LIAS: variants seen among roughly 807,000 people sequenced by gnomAD.
LIAS encodes lipoyl synthase, mitochondrial.
A neutral mutation model predicts 49.4 loss-of-function variants in LIAS; 36 were observed. The ratio of observed to expected loss-of-function variants is 0.73; its 90% CI spans 0.56 to 0.96. LIAS has a LOEUF of 0.96. LIAS is among the 40% of genes least tolerant of loss of function. LIAS has a pLI of 0.00. For missense variants in LIAS, 399 were observed against 456.3 expected (o/e 0.87, Z 1.14); for synonymous variants, 145 against 155.8 (o/e 0.93, Z 0.52).
chr4:39,471,097 A>T (rs929801757), intron 8 of LIAS, 139 bp from the exon 9 acceptor site: 1 of 618,538 alleles, frequency 1.6e-6, no homozygotes, highest in African/African-American at 1.8e-5. Flanking sequence ...TTGAATGAAT[A>T]GATGTTGTCT....
intron 10 of LIAS, among the ~76,000 whole-genome samples, chr4:39,474,396 C>T (rs964996286): frequency 2.0e-5 from 3 of 151,634 alleles, no homozygotes; most frequent in Admixed American, 2.0e-4. Flanking sequence ...CGTGTCACTA[C>T]AGCTCCAGCC....
chr4:39,463,401 T>A, intron 3 of LIAS, 124 bp from the exon 4 acceptor site: 1 of 1,261,950 alleles, frequency 7.9e-7, no homozygotes, highest in Non-Finnish European at 1.0e-6. Flanking sequence ...CATTTTTGAA[T>A]AGTGAATGTC....
intron 9 of LIAS, among the ~76,000 whole-genome samples, chr4:39,472,057 T>G (rs572582916): frequency 1.3e-5 from 2 of 152,166 alleles, no homozygotes; most frequent in East Asian, 1.9e-4. Context: ...ACACACATTT[T>G]GTATGTTACA....
chr4:39,474,237 T>C (rs1004621251), intron 10 of LIAS, among the ~76,000 whole-genome samples: 1 of 132,714 alleles, frequency 7.5e-6, no homozygotes, highest in Non-Finnish European at 1.5e-5. Flanking sequence ...CACTCCAGCC[T>C]GGGCAACAGA....
rs1560669563 is a variant in LIAS at position 39,467,623 on chromosome 4, AG to A, written c.715del (p.Glu239LysfsTer24). On this transcript the variant is annotated frameshift_variant, in exon 7 of 11. Transcript: ENST00000640888. LOFTEE classifies it high-confidence loss of function. The part of the protein sequence containing the change: ...SGLDVYAHNV[E>X]TVPELQSKVR... ...GATTAGATGTGTATGCACATAATGT[AG>A]AAACAGTCCCGGAATTACAGAGGTG... The A allele has an allele frequency of 1.9e-6, 3 of 1,588,942 alleles. No homozygotes were observed. The highest frequency in any genetic ancestry group is 2.6e-6 in the Non-Finnish European group (3 of 1,166,958).
chr4:39,464,301 G>A (rs2608833), intron 4 of LIAS: 110,207 of 150,594 alleles, frequency 0.73, 40,574 homozygotes, highest in Admixed American at 0.8. Flanking sequence ...ATGCCACTGC[G>A]TCCCAGCCTA....
At chr4:39,473,284 A>G in intron 10 of LIAS, 73 bp downstream of exon 10, 1 of 916,498 alleles carries the variant, frequency 1.1e-6, no homozygotes, top group Non-Finnish European at 1.8e-6. Flanking sequence ...ACCAGTCACT[A>G]AAACTCTTGA....
intron 6 of LIAS, among the ~76,000 whole-genome samples, chr4:39,465,822 C>G (rs899974215): frequency 1.3e-5 from 2 of 151,638 alleles, no homozygotes; most frequent in Non-Finnish European, 2.9e-5. Flanking sequence ...CCAAGCTCAG[C>G]TAATTTTTGT....
At position 39,478,284 on chromosome 4, in the gene LIAS, A is replaced by G. The variant is rs551237250; in HGVS notation, c.*1169A>G. 3 of 152,290 alleles carry G rather than the reference A, an allele frequency of 2.0e-5. No individual in the cohort carries two copies. The South Asian group carries it at 6.2e-4, about 32-fold the overall frequency. The allele number at this position is 152,290 out of a possible 1,614,324, so 9.4% of individuals were successfully genotyped here. A position where few individuals can be genotyped will look rare whatever the true frequency, so the allele number is the denominator to read the frequency against. ...TCTGAGAGGCCGAGGTGGGCAGATC[A>G]CCTGAGGTCGGGAGTTTGAGAACAG... is the stretch of plus-strand genomic sequence containing the variant. On this transcript the variant is annotated 3_prime_UTR_variant, in exon 11 of 11. Transcript: ENST00000640888.
At chr4:39,459,959 CAAAAAA>C (rs3836576) in intron 1 of LIAS, among the ~76,000 whole-genome samples, 1 of 135,084 alleles carries the variant, frequency 7.4e-6, no homozygotes, top group East Asian at 2.2e-4. Flanking sequence ...GACTCCATCT[CAAAAAA>C]AAAAAAAGAA....
chr4:39,470,198 T>C (rs1252692236), intron 8 of LIAS, 34 bp downstream of exon 8: 1 of 1,583,362 alleles, frequency 6.3e-7, no homozygotes, highest in Non-Finnish European at 8.6e-7. Flanking sequence ...ATCTTTCCCA[T>C]GTAATTTGAG....
chr4:39,473,049 G>T, intron 9 of LIAS, 51 bp from the exon 10 acceptor site: 2 of 1,104,102 alleles, frequency 1.8e-6, no homozygotes, highest in South Asian at 2.6e-5. Flanking sequence ...ACTTTCTGCA[G>T]AATCAAAGTG....
intron 6 of LIAS, 146 bp from the exon 7 acceptor site, chr4:39,467,372 A>C: frequency 1.6e-6 from 1 of 644,538 alleles, no homozygotes; most frequent in Non-Finnish European, 2.4e-6. Context: ...TTCATGTATG[A>C]ACATCTGTAT....
At chr4:39,467,481 T>C (rs1192513775) in intron 6 of LIAS, 37 bp from the exon 7 acceptor site, 2 of 1,540,276 alleles carry the variant, frequency 1.3e-6, no homozygotes, top group South Asian at 1.2e-5. Flanking sequence ...ATGTCAGTTC[T>C]TTCTCTCTGT....
At chr4:39,460,722 T>C in intron 1 of LIAS, 68 bp from the exon 2 acceptor site, 5 of 1,358,142 alleles carry the variant, frequency 3.7e-6, no homozygotes, top group Non-Finnish European at 5.0e-6. Flanking sequence ...GTTTAGGTGT[T>C]ATGATGGGTT....
intron 9 of LIAS, 67 bp downstream of exon 9, chr4:39,471,373 G>A (rs374504064): frequency 8.0e-6 from 10 of 1,253,188 alleles, no homozygotes; most frequent in African/African-American, 4.6e-5. Context: ...TGCTCTTGTC[G>A]CCTGAGCTGG....
At chr4:39,464,987 C>A in intron 4 of LIAS, 59 bp from the exon 5 acceptor site, 1 of 1,411,550 alleles carries the variant, frequency 7.1e-7, no homozygotes, top group Non-Finnish European at 9.8e-7. Context: ...ATTCTCTCAA[C>A]ATTATGTCCT....
intron 9 of LIAS, 106 bp downstream of exon 9, chr4:39,471,412 T>C: frequency 2.6e-6 from 2 of 776,772 alleles, no homozygotes; most frequent in Non-Finnish European, 4.1e-6. Flanking sequence ...CGGCTCACTG[T>C]AATCTCTGCT....
At chr4:39,463,651 G>C (rs1300414806) in intron 4 of LIAS, 46 bp downstream of exon 4, 1 of 1,566,056 alleles carries the variant, frequency 6.4e-7, no homozygotes, top group Non-Finnish European at 8.7e-7. Flanking sequence ...GAAACTGAAA[G>C]GGACTATTTT....
Sources: gnomAD v4.1 joint callset for allele counts (sites outside exome capture counted in the v4.1 genomes callset) on GRCh38, gnomAD v4.1.1 for gene constraint, MANE v1.5 for transcripts, NCBI Gene and HGNC (gene_info 2026-07-23, HGNC 2026-07-21) for gene names.